MBOAT2: variants seen among roughly 807,000 people sequenced by gnomAD.
MBOAT2 encodes the protein membrane bound glycerophospholipid O-acyltransferase 2.
A neutral mutation model predicts 63.4 loss-of-function variants in MBOAT2; 28 were observed. The ratio of observed to expected loss-of-function variants is 0.44; its 90% CI spans 0.33 to 0.61. The LOEUF (loss-of-function observed/expected upper bound fraction) is 0.61. MBOAT2 is among the 20% of genes least tolerant of loss of function. The pLI is 0.03. For synonymous variants in MBOAT2, 211 were observed against 215.6 expected, an observed-to-expected ratio of 0.98 and a Z score of 0.19; for missense variants, 470 against 605.8, an observed-to-expected ratio of 0.78 and a Z score of 2.35.
At chr2:8,919,631 A>T (rs1666431076) in intron 3 of MBOAT2, among the ~76,000 whole-genome samples, 1 of 152,170 alleles carries the variant, frequency 6.6e-6, no homozygotes, top group African/African-American at 2.4e-5. Flanking sequence ...CCTGTATCAG[A>T]CACATGTTTT....
At chr2:8,960,778 A>C (rs1370129486) in intron 1 of MBOAT2, among the ~76,000 whole-genome samples, 1 of 152,240 alleles carries the variant, frequency 6.6e-6, no homozygotes, top group Non-Finnish European at 1.5e-5. Context: ...ACTGAATCAA[A>C]GTCTTTGGGG....
chr2:8,957,415 C>A (rs538175568), intron 2 of MBOAT2, among the ~76,000 whole-genome samples: 1 of 152,302 alleles, frequency 6.6e-6, no homozygotes, highest in South Asian at 2.1e-4. Context: ...TCTACCAGGG[C>A]AGTACCTAGC....
At chr2:8,910,678 C>T (rs1158099679) in intron 3 of MBOAT2, among the ~76,000 whole-genome samples, 2 of 151,958 alleles carry the variant, frequency 1.3e-5, no homozygotes, top group Non-Finnish European at 2.9e-5. Flanking sequence ...CACACAGCAC[C>T]CCAACTCTCA....
rs572316642 is a variant in MBOAT2 at position 8,952,083 on chromosome 2, G to A, written c.221+6414C>T. 2.4e-4 allele frequency among the ~76,000 whole-genome samples: 37 copies of A among 152,194 alleles called. 1 individual carries two copies. Among genetic ancestry groups the A allele is most frequent in the Admixed American group, 3.9e-4 (6 of 15,292 alleles). On this transcript the variant is annotated intron_variant, in intron 2 of 12. Transcript: ENST00000305997. The stretch of plus-strand genomic sequence containing the variant: ...ACACTGTATACTTTCCTCTTAACAC[G>A]CTTTTGCTGCATCCCAGAGATTTTG...
rs540916253 is a variant in MBOAT2, at chr2:8,973,552, TAA to T, written c.76-14912_76-14911del. Among the ~76,000 whole-genome samples the T allele has an allele frequency of 1.6e-3, 210 of 130,192 alleles. 1 individual carries two copies. Among genetic ancestry groups the T allele is most frequent in the African/African-American group, 4.2e-3 (155 of 36,882 alleles). 85.4% of individuals were successfully genotyped at this position (130,192 alleles called of 152,430 possible). On this transcript the variant is annotated intron_variant, in intron 1 of 12. Transcript: ENST00000305997. ...ATAAATAAATAAAAGTAACTCAAGCTAAAAAAAAAAAAAAGCAACAATATAAG... is the reference window on the plus strand; with the variant it reads ...ATAAATAAATAAAAGTAACTCAAGCTAAAAAAAAAAAAGCAACAATATAAG...
intron 1 of MBOAT2, among the ~76,000 whole-genome samples, chr2:8,983,043 A>C (rs1671310842): frequency 1.3e-5 from 2 of 152,058 alleles, no homozygotes; most frequent in Non-Finnish European, 2.9e-5. Context: ...AGTCAGAGAG[A>C]CTCATGCATA....
At chr2:8,896,596 G>A (rs1395294522) in intron 4 of MBOAT2, among the ~76,000 whole-genome samples, 1 of 152,174 alleles carries the variant, frequency 6.6e-6, no homozygotes, top group Non-Finnish European at 1.5e-5. Flanking sequence ...TTAAGTTTGG[G>A]ATTTTAATTT....
intron 1 of MBOAT2, among the ~76,000 whole-genome samples, chr2:9,000,379 AC>A (rs1672598646): frequency 6.6e-6 from 1 of 152,228 alleles, no homozygotes; most frequent in African/African-American, 2.4e-5. Flanking sequence ...TGGATAAATG[AC>A]TTTAGTCATC....
At position 8,858,507 on chromosome 2, in the gene MBOAT2, G is replaced by A. The variant is rs898937602; in HGVS notation, c.*172C>T. ...CGTGGCCCACGGAGACATGGCATGGGAGGGCTTGTTTCACTCCATTTCCAA... is the reference window on the plus strand; with the variant it reads ...CGTGGCCCACGGAGACATGGCATGGAAGGGCTTGTTTCACTCCATTTCCAA... On this transcript the variant is annotated 3_prime_UTR_variant, in exon 13 of 13. Transcript: ENST00000305997. 2.7e-5 allele frequency: 15 copies of A among 562,230 alleles called. No individual in the cohort carries two copies. In the Admixed American group the frequency reaches 3.6e-4, roughly 13 times the overall value. The allele number at this position is 562,230 out of a possible 1,614,324, so 34.8% of individuals were successfully genotyped here. A position where few individuals can be genotyped will look rare whatever the true frequency, so the allele number is the denominator to read the frequency against.
At chr2:8,934,937 TC>T (rs1309668337) in intron 3 of MBOAT2, among the ~76,000 whole-genome samples, 1 of 152,160 alleles carries the variant, frequency 6.6e-6, no homozygotes, top group African/African-American at 2.4e-5. Context: ...TTGAGGCAGT[TC>T]CTGATGACAT....
intron 1 of MBOAT2, among the ~76,000 whole-genome samples, chr2:8,970,656 TCAAA>T (rs1438145326): frequency 6.6e-6 from 1 of 150,584 alleles, no homozygotes; most frequent in East Asian, 1.9e-4. Context: ...GAGAGAAGAA[TCAAA>T]CAGACACAAT....
At chr2:8,873,549 A>G (rs1309553596) in intron 7 of MBOAT2, among the ~76,000 whole-genome samples, 1 of 152,226 alleles carries the variant, frequency 6.6e-6, no homozygotes, top group African/African-American at 2.4e-5. Flanking sequence ...TCCATTTTGT[A>G]TTCAGAATTT....
intron 12 of MBOAT2, among the ~76,000 whole-genome samples, chr2:8,859,170 G>A (rs1010736125): frequency 2.0e-5 from 3 of 152,060 alleles, no homozygotes; most frequent in South Asian, 2.1e-4. Flanking sequence ...AGAAGGCCAT[G>A]GTTAAACAGA....
chr2:8,872,473 G>C (rs1424483913), intron 8 of MBOAT2, among the ~76,000 whole-genome samples: 2 of 151,946 alleles, frequency 1.3e-5, no homozygotes, highest in East Asian at 3.9e-4. Context: ...TAGAGAGAGG[G>C]GTCTCACTAT....
chr2:8,893,776 T>C (rs1572982562), intron 4 of MBOAT2, among the ~76,000 whole-genome samples: 1 of 152,104 alleles, frequency 6.6e-6, no homozygotes, highest in Non-Finnish European at 1.5e-5. Context: ...ACAAGAGTCA[T>C]TTAGTTTGGG....
intron 7 of MBOAT2, among the ~76,000 whole-genome samples, chr2:8,875,976 T>C (rs1662670808): frequency 6.6e-6 from 1 of 152,206 alleles, no homozygotes; most frequent in African/African-American, 2.4e-5. Context: ...GCCCACACAG[T>C]GGAGGGTGGT....
chr2:8,988,548 A>C (rs1671716224), intron 1 of MBOAT2, among the ~76,000 whole-genome samples: 1 of 152,178 alleles, frequency 6.6e-6, no homozygotes, highest in Non-Finnish European at 1.5e-5. Flanking sequence ...TTATATGACA[A>C]CTTTTGAAAG....
At chr2:8,979,434 G>A (rs1671051918) in intron 1 of MBOAT2, among the ~76,000 whole-genome samples, 1 of 151,998 alleles carries the variant, frequency 6.6e-6, no homozygotes, top group South Asian at 2.1e-4. Context: ...CATGATGAAT[G>A]ATTTTCTAGG....
At position 8,887,964 on chromosome 2, in the gene MBOAT2, A is replaced by G; in HGVS notation, c.451+54T>C. The G allele has an allele frequency of 2.0e-6, 3 of 1,512,352 alleles. No individual in the cohort carries two copies. In the South Asian group the frequency reaches 3.4e-5, roughly 17 times the overall value. 93.7% of individuals were successfully genotyped at this position (1,512,352 alleles called of 1,614,324 possible). On this transcript the variant is annotated intron_variant, in intron 5 of 12. Transcript: ENST00000305997. ...AAGTTATGGCAATATCTCAAGCAAA[A>G]GATTATTGGAATTAAATTTTTTCAG... is the stretch of plus-strand genomic sequence containing the variant.
Sources: allele counts gnomAD v4.1 joint callset (sites outside exome capture counted in the v4.1 genomes callset), GRCh38; gene constraint gnomAD v4.1.1; transcripts MANE v1.5; gene names NCBI Gene and HGNC (gene_info 2026-07-23, HGNC 2026-07-21).